The following COL23A1 variants were observed in gnomAD, a reference collection of about 807,000 sequenced individuals.
COL23A1 encodes collagen type XXIII alpha 1 chain.
A neutral mutation model predicts 99.3 loss-of-function variants in COL23A1; 97 were observed. That is an observed-to-expected ratio of 0.98 (90% CI 0.83 to 1.16). The LOEUF (loss-of-function observed/expected upper bound fraction) is 1.16, where lower values mean the gene tolerates loss of function less well. COL23A1 is among the 50% of genes most tolerant of loss of function. The pLI, the probability that COL23A1 is intolerant of heterozygous loss-of-function variation, is 0.00. For synonymous variants in COL23A1, 320 were observed against 308.2 expected, an observed-to-expected ratio of 1.04 and a Z score of -0.40; for missense variants, 762 against 757.4, an observed-to-expected ratio of 1.01 and a Z score of -0.07.
At chr5:178,482,248 A>G (rs367658283) in intron 2 of COL23A1, among the ~76,000 whole-genome samples, 1 of 152,200 alleles carries the variant, frequency 6.6e-6, no homozygotes, top group Non-Finnish European at 1.5e-5. Flanking sequence ...GTATACATAC[A>G]GTGGAATATT....
Position 178,396,788 on chromosome 5 carries a change from C to T in COL23A1, c.362-89869G>A, listed in dbSNP as rs1250883874. 3.1e-5 allele frequency among the ~76,000 whole-genome samples: 4 copies of T among 128,878 alleles called. No individual in the cohort carries two copies. In the East Asian group the frequency reaches 7.0e-4, roughly 23 times the overall value. The allele number at this position is 128,878 out of a possible 152,430, so 84.5% of individuals were successfully genotyped here. On this transcript the variant is annotated intron_variant, in intron 2 of 28. Transcript: ENST00000390654. Reference sequence around the variant, plus strand: ...CCGGCGGGCAGGCGCTCTGGGCATTCGGCTCTCAGCTCCAAACGTCCAGGC... The same window carrying T: ...CCGGCGGGCAGGCGCTCTGGGCATTTGGCTCTCAGCTCCAAACGTCCAGGC...
intron 2 of COL23A1, among the ~76,000 whole-genome samples, chr5:178,429,867 G>A (rs1766164067): frequency 6.6e-6 from 1 of 152,132 alleles, no homozygotes; most frequent in African/African-American, 2.4e-5. Flanking sequence ...CCTATGGCCT[G>A]GCTCTAACCC....
chr5:178,489,473 T>A (rs1213936635), intron 2 of COL23A1, among the ~76,000 whole-genome samples: 1 of 152,246 alleles, frequency 6.6e-6, no homozygotes, highest in East Asian at 1.9e-4. Flanking sequence ...GACTTTGCCT[T>A]CGCAACCATG....
Position 178,302,155 on chromosome 5 carries a change from G to A in COL23A1, c.406+4720C>T, listed in dbSNP as rs193067035. Among the ~76,000 whole-genome samples, 506 of 99,236 alleles carry A rather than the reference G, an allele frequency of 5.1e-3. 81 individuals carry two copies. Among genetic ancestry groups the A allele is most frequent in the African/African-American group, 0.019 (466 of 24,946 alleles). The allele number at this position is 99,236 out of a possible 152,430, so 65.1% of individuals were successfully genotyped here. Reference sequence around the variant, plus strand: ...ACGGCTTCAATCCACCTGTGTGTGCGCCGGAGCACAGCTTCAATGCTGCAC... The same window carrying A: ...ACGGCTTCAATCCACCTGTGTGTGCACCGGAGCACAGCTTCAATGCTGCAC... On this transcript the variant is annotated intron_variant, in intron 3 of 28. Transcript: ENST00000390654.
intron 17 of COL23A1, among the ~76,000 whole-genome samples, chr5:178,250,560 T>C (rs1362398465): frequency 6.6e-6 from 1 of 152,216 alleles, no homozygotes; most frequent in Non-Finnish European, 1.5e-5. Context: ...TGGATATTTA[T>C]AAAACACTAC....
chr5:178,506,875 A>C, intron 2 of COL23A1, among the ~76,000 whole-genome samples: 1 of 152,172 alleles, frequency 6.6e-6, no homozygotes, highest in East Asian at 1.9e-4. Flanking sequence ...GGAATGCACG[A>C]ATTACTGCGT....
chr5:178,424,174 G>C (rs945291175), intron 2 of COL23A1, among the ~76,000 whole-genome samples: 4 of 152,330 alleles, frequency 2.6e-5, no homozygotes, highest in Non-Finnish European at 5.9e-5. Context: ...TTGCAGGCCC[G>C]CAGCTATTCA....
Position 178,325,178 on chromosome 5 carries a change from C to T in COL23A1, c.362-18259G>A, listed in dbSNP as rs117160672. On this transcript the variant is annotated intron_variant, in intron 2 of 28. Transcript: ENST00000390654. ...CTCCCCAGGCTCCAGGCTCCAGGGT[C>T]GCTGCCTCCCCACTGCCTGCCCCGT... 1.1e-3 allele frequency among the ~76,000 whole-genome samples: 171 copies of T among 152,330 alleles called. 1 individual carries two copies. The East Asian group carries it at 0.021, about 19-fold the overall frequency.
chr5:178,559,786 C>CGTCG (rs1762465773), intron 2 of COL23A1, among the ~76,000 whole-genome samples: 10 of 132,370 alleles, frequency 7.6e-5, no homozygotes, highest in African/African-American at 2.8e-4. Context: ...TTTCCCTGCA[C>CGTCG]ATCGAGAAGT....
intron 2 of COL23A1, among the ~76,000 whole-genome samples, chr5:178,499,010 A>C (rs1317881001): frequency 2.6e-5 from 4 of 152,172 alleles, no homozygotes; most frequent in Non-Finnish European, 5.9e-5. Context: ...GAATTGTTTG[A>C]ACCTGGGAGG....
At chr5:178,564,103 G>C (rs1452427274) in intron 1 of COL23A1, among the ~76,000 whole-genome samples, 1 of 152,222 alleles carries the variant, frequency 6.6e-6, no homozygotes. Flanking sequence ...TGAAGGGGGA[G>C]AAGGATTTTA....
intron 2 of COL23A1, among the ~76,000 whole-genome samples, chr5:178,349,560 G>GT (rs1373158088): frequency 2.7e-5 from 4 of 145,990 alleles, no homozygotes; most frequent in Non-Finnish European, 4.5e-5. Flanking sequence ...CCCCACGCCT[G>GT]GCCTCCCGTG....
intron 2 of COL23A1, among the ~76,000 whole-genome samples, chr5:178,458,502 T>A (rs1397485417): frequency 6.6e-6 from 1 of 151,824 alleles, no homozygotes; most frequent in Non-Finnish European, 1.5e-5. Flanking sequence ...CTGGGCATGG[T>A]GGTGCACGCC....
chr5:178,321,778 C>T (rs1033172081), intron 2 of COL23A1, among the ~76,000 whole-genome samples: 2 of 151,806 alleles, frequency 1.3e-5, no homozygotes, highest in Non-Finnish European at 2.9e-5. Flanking sequence ...CGTGAGCCAC[C>T]GCGCCCGGCC....
intron 2 of COL23A1, among the ~76,000 whole-genome samples, chr5:178,424,450 C>G (rs1765798076): frequency 1.3e-5 from 2 of 152,230 alleles, no homozygotes; most frequent in South Asian, 4.1e-4. Flanking sequence ...CCAGTCATGT[C>G]CTCTGCTCTG....
intron 2 of COL23A1, among the ~76,000 whole-genome samples, chr5:178,316,393 T>C (rs1758984908): frequency 6.6e-6 from 1 of 152,220 alleles, no homozygotes; most frequent in African/African-American, 2.4e-5. Flanking sequence ...ATGTATCCTA[T>C]AAAATATTTA....
intron 2 of COL23A1, among the ~76,000 whole-genome samples, chr5:178,463,561 C>A (rs1006617742): frequency 6.6e-6 from 1 of 152,106 alleles, no homozygotes; most frequent in African/African-American, 2.4e-5. Context: ...CCACTGGGAC[C>A]CCAACCTATG....
intron 3 of COL23A1, among the ~76,000 whole-genome samples, chr5:178,305,594 G>A (rs17579398): frequency 0.026 from 3,900 of 152,322 alleles, 96 homozygotes; most frequent in Admixed American, 0.079. Context: ...TTTTTTGGAG[G>A]AGATGCTTGA....
chr5:178,582,336 A>T (rs1482487886), intron 1 of COL23A1, among the ~76,000 whole-genome samples: 1 of 152,080 alleles, frequency 6.6e-6, no homozygotes, highest in Non-Finnish European at 1.5e-5. Flanking sequence ...TGGAGCGCTA[A>T]TGGGCACGTC....
Sources: allele counts gnomAD v4.1 joint callset (sites outside exome capture counted in the v4.1 genomes callset), GRCh38; gene constraint gnomAD v4.1.1; transcripts MANE v1.5; gene names NCBI Gene and HGNC (gene_info 2026-07-23, HGNC 2026-07-21).